Variants in TNIP2 observed in about 807,000 individuals in gnomAD.
TNIP2 encodes the protein TNFAIP3 interacting protein 2.
In TNIP2, 30 loss-of-function variants were observed where a neutral mutation model predicts 43.7. The ratio of observed to expected loss-of-function variants is 0.69; its 90% confidence interval spans 0.51 to 0.93. TNIP2 has a LOEUF of 0.93. Among genes scored for constraint, TNIP2 ranks in the 40% least tolerant of loss-of-function variants. The pLI is 0.00. For missense variants in TNIP2, 599 were observed against 591.0 expected (o/e 1.01, Z -0.14); for synonymous variants, 260 against 254.6 (o/e 1.02, Z -0.20).
intron 1 of TNIP2, among the ~76,000 whole-genome samples, chr4:2,750,903 G>T (rs1577311430): frequency 6.6e-6 from 1 of 152,258 alleles, no homozygotes; most frequent in Admixed American, 6.5e-5. Context: ...GATCCTGAGG[G>T]CGTGGCTCTC....
In TNIP2 at chr4:2,756,027, G is replaced by A; in HGVS notation, c.263C>T (p.Ala88Val). 4.5e-6 allele frequency: 7 copies of A among 1,549,300 alleles called. No homozygotes were observed. Among genetic ancestry groups the A allele is most frequent in the Admixed American group, 1.9e-5 (1 of 53,962 alleles). ...LRRQEGGAAE[A>V]QMRQEIERLT... is the part of the protein sequence containing the mutation. ...CCGCCCTCGTACCTGGCGCATCTGG[G>A]CCTCGGCGGCGCCGCCCTCCTGCCT... The change falls in exon 1 of 6, where the codon GCC (alanine) becomes GTC (valine). Residue 88 changes from alanine (A) to valine (V), a missense_variant. By Grantham distance (64) the Ala-to-Val change is moderately conservative (BLOSUM62 0). Transcript: ENST00000315423.
chr4:2,751,461 A>G (rs1324180575), intron 1 of TNIP2, among the ~76,000 whole-genome samples: 1 of 152,226 alleles, frequency 6.6e-6, no homozygotes, highest in Non-Finnish European at 1.5e-5. Flanking sequence ...GCGGCAACAA[A>G]GTATCACAAA....
intron 1 of TNIP2, among the ~76,000 whole-genome samples, chr4:2,751,791 G>A (rs1722108960): frequency 1.3e-5 from 2 of 149,328 alleles, no homozygotes; most frequent in South Asian, 2.1e-4. Flanking sequence ...GGGGAGGGGA[G>A]GAGAAAGGAA....
At position 2,756,166 on chromosome 4, in the gene TNIP2, C is replaced by T; in HGVS notation, c.124G>A (p.Asp42Asn). 6.8e-7 allele frequency: 1 copy of T among 1,477,656 alleles called. No individual in the cohort carries two copies. Among genetic ancestry groups the T allele is most frequent in the South Asian group, 1.3e-5 (1 of 78,186 alleles). 91.5% of individuals were successfully genotyped at this position (1,477,656 alleles called of 1,614,324 possible). A position where few individuals can be genotyped will look rare whatever the true frequency, so the allele number is the denominator to read the frequency against. The change falls in exon 1 of 6, where the codon GAC becomes AAC. Residue 42 changes from aspartate to asparagine, a missense_variant. Asp to Asn is a conservative substitution (Grantham distance 23). Coordinates refer to ENST00000315423, the MANE Select transcript of TNIP2 (RefSeq NM_024309.4). ...GCGCGGAGGCGAGCGATGAGGGCGTCGCGGGCAGCGAGCTGGTCCTGCAGG... is the reference window on the plus strand; with the variant it reads ...GCGCGGAGGCGAGCGATGAGGGCGTTGCGGGCAGCGAGCTGGTCCTGCAGG... ...RRLQDQLAAR[D>N]ALIARLRARL... is the part of the protein sequence containing the mutation.
intron 1 of TNIP2, 120 bp downstream of exon 1, chr4:2,755,894 C>G (rs947837526): frequency 1.7e-4 from 227 of 1,322,782 alleles, no homozygotes; most frequent in Non-Finnish European, 2.1e-4. Context: ...AACTCAACCC[C>G]AGGACCCAGT....
Position 2,754,610 on chromosome 4 carries a change from T to C in TNIP2, c.276+1404A>G, listed in dbSNP as rs1172609519. On this transcript the variant is annotated intron_variant, in intron 1 of 5. Coordinates refer to ENST00000315423, the MANE Select transcript of TNIP2 (RefSeq NM_024309.4). ...TTTTTGTATTTTTAGTAGAGATGGG[T>C]TTTCACCATGTTAGCCAGGATGGTC... Among the ~76,000 whole-genome samples the C allele has an allele frequency of 2.0e-5, 3 of 152,196 alleles. No individual in the cohort carries two copies. In the East Asian group the frequency reaches 5.8e-4, roughly 29 times the overall value.
intron 1 of TNIP2, among the ~76,000 whole-genome samples, chr4:2,748,212 G>A (rs1722006166): frequency 6.6e-6 from 1 of 150,748 alleles, no homozygotes; most frequent in Non-Finnish European, 1.5e-5. Context: ...GTTTCACTCT[G>A]TTGCCCAGGC....
chr4:2,744,517 G>A lies in TNIP2; in HGVS notation c.907-11C>T. Reference sequence around the variant, plus strand: ...CTTGTAAGCGAGAATCTGAAGAGAGGCGAGACACACATTTCTGCTCAAGGA... The same window carrying A: ...CTTGTAAGCGAGAATCTGAAGAGAGACGAGACACACATTTCTGCTCAAGGA... On this transcript the variant is annotated splice_polypyrimidine_tract_variant and intron_variant, in intron 4 of 5. Coordinates refer to ENST00000315423, the MANE Select transcript of TNIP2 (RefSeq NM_024309.4). The surrounding 1 kb of genome is among the most constrained non-coding windows in gnomAD (Gnocchi z 5.1). 1 of 1,614,108 alleles carries A rather than the reference G, an allele frequency of 6.2e-7. No individual in the cohort carries two copies. Among genetic ancestry groups the A allele is most frequent in the Non-Finnish European group, 8.5e-7 (1 of 1,180,016 alleles).
intron 1 of TNIP2, among the ~76,000 whole-genome samples, chr4:2,751,334 T>A (rs1242899817): frequency 6.6e-6 from 1 of 152,188 alleles, no homozygotes. Context: ...GGAAAGCCTG[T>A]CGCCGGGACC....
intron 2 of TNIP2, 105 bp from the exon 3 acceptor site, chr4:2,745,640 T>C (rs530377010): frequency 1.3e-6 from 1 of 768,048 alleles, no homozygotes; most frequent in Non-Finnish European, 2.3e-6. Context: ...CGTCCCCCAG[T>C]GCAGCGGGTA....
intron 5 of TNIP2, among the ~76,000 whole-genome samples, chr4:2,742,888 G>C (rs1264751150): frequency 6.6e-6 from 1 of 152,164 alleles, no homozygotes; most frequent in African/African-American, 2.4e-5. Context: ...TGGGGAGCTG[G>C]GCAAACTGAG....
intron 2 of TNIP2, among the ~76,000 whole-genome samples, chr4:2,746,659 C>G (rs968740304): frequency 6.6e-6 from 1 of 152,198 alleles, no homozygotes; most frequent in Non-Finnish European, 1.5e-5. Context: ...ACAGAACATC[C>G]CAGCGCGTGT....
Position 2,745,463 on chromosome 4 carries a change from T to G in TNIP2, c.640A>C (p.Lys214Gln). The change falls in exon 3 of 6, where the codon AAA (lysine) becomes CAA (glutamine). Residue 214 changes from lysine to glutamine, a missense_variant. By Grantham distance (53) the Lys-to-Gln change is moderately conservative (BLOSUM62 1). Transcript: ENST00000315423. ...EKLQEENRLL[K>Q]QKVTHVEDLN... ...ACACTCACGTGAGTCACCTTCTGTT[T>G]TAACAGTCGATTTTCTTCCTGCAAC... The G allele has an allele frequency of 1.2e-6, 2 of 1,613,558 alleles. No individual in the cohort carries two copies. The highest frequency in any genetic ancestry group is 1.7e-6 in the Non-Finnish European group (2 of 1,179,660).
chr4:2,742,606 C>T, intron 5 of TNIP2, 86 bp from the exon 6 acceptor site: 1 of 1,388,072 alleles, frequency 7.2e-7, no homozygotes, highest in Non-Finnish European at 9.5e-7. Flanking sequence ...AGAGGCACTT[C>T]ACCTATCCCT....
At chr4:2,749,329 C>A (rs778846644) in intron 1 of TNIP2, among the ~76,000 whole-genome samples, 5 of 152,208 alleles carry the variant, frequency 3.3e-5, no homozygotes, top group African/African-American at 1.2e-4. Flanking sequence ...TAGGTAGAAA[C>A]TCCACTGTGG....
intron 1 of TNIP2, among the ~76,000 whole-genome samples, chr4:2,750,279 G>A (rs553391585): frequency 6.6e-6 from 1 of 152,232 alleles, no homozygotes; most frequent in African/African-American, 2.4e-5. Context: ...AGAAGTGGCG[G>A]GAGAAGGGTC....
At chr4:2,749,816 G>T (rs1722055910) in intron 1 of TNIP2, among the ~76,000 whole-genome samples, 1 of 152,114 alleles carries the variant, frequency 6.6e-6, no homozygotes, top group Admixed American at 6.5e-5. Context: ...TTCTTAAAAT[G>T]ACAATTTTAT....
intron 5 of TNIP2, among the ~76,000 whole-genome samples, chr4:2,742,947 ACT>A (rs1182897308): frequency 6.6e-6 from 1 of 151,966 alleles, no homozygotes; most frequent in Non-Finnish European, 1.5e-5. Context: ...GGTGCTGAGC[ACT>A]CTGGGGCTCA....
At chr4:2,751,754 C>T (rs767472310) in intron 1 of TNIP2, among the ~76,000 whole-genome samples, 2 of 142,910 alleles carry the variant, frequency 1.4e-5, no homozygotes, top group Non-Finnish European at 3.0e-5. Flanking sequence ...GCCTGGGCAA[C>T]AGAGTGACCC....
Sources: allele counts gnomAD v4.1 joint callset (sites outside exome capture counted in the v4.1 genomes callset), GRCh38; gene constraint gnomAD v4.1.1; non-coding constraint Gnocchi (gnomAD v3.1); transcripts MANE v1.5; gene names NCBI Gene and HGNC (gene_info 2026-07-23, HGNC 2026-07-21).